MSH3: variants seen among roughly 807,000 people sequenced by gnomAD.
MSH3 encodes DNA mismatch repair protein Msh3.
Under a neutral mutation model 123.3 loss-of-function variants are expected in MSH3, and 106 were observed. The ratio of observed to expected loss-of-function variants is 0.86; its 90% CI spans 0.73 to 1.01. MSH3 has a LOEUF of 1.01. Among genes scored for constraint, MSH3 ranks in the 50% least tolerant of loss-of-function variants. MSH3 has a pLI of 0.00. For missense variants in MSH3, 1,459 were observed against 1,347.6 expected, an observed-to-expected ratio of 1.08 and a Z score of -1.29; for synonymous variants, 515 against 481.4, an observed-to-expected ratio of 1.07 and a Z score of -0.91.
intron 20 of MSH3, among the ~76,000 whole-genome samples, chr5:80,819,238 T>C (rs1745158269): frequency 6.6e-6 from 1 of 151,898 alleles, no homozygotes; most frequent in African/African-American, 2.4e-5. Flanking sequence ...ATAATGTTAT[T>C]AGGAGATGTT....
At chr5:80,801,785 G>GA (rs912096887) in intron 19 of MSH3, among the ~76,000 whole-genome samples, 2 of 152,176 alleles carry the variant, frequency 1.3e-5, no homozygotes, top group African/African-American at 4.8e-5. Context: ...TAGGATGAGA[G>GA]ATCTTATTTA....
chr5:80,702,928 C>T (rs561852979), intron 8 of MSH3, among the ~76,000 whole-genome samples: 16 of 152,312 alleles, frequency 1.1e-4, no homozygotes, highest in Middle Eastern at 3.4e-3. Context: ...AGGAGAATCA[C>T]TTGAACCCGG....
At chr5:80,690,986 A>G (rs916591210) in intron 8 of MSH3, among the ~76,000 whole-genome samples, 2 of 152,010 alleles carry the variant, frequency 1.3e-5, no homozygotes, top group Non-Finnish European at 2.9e-5. Flanking sequence ...TTGTCCATGA[A>G]AATAATTAAA....
At chr5:80,683,731 C>G (rs1479812901) in intron 8 of MSH3, among the ~76,000 whole-genome samples, 1 of 152,018 alleles carries the variant, frequency 6.6e-6, no homozygotes, top group Non-Finnish European at 1.5e-5. Context: ...TCCATCTTTG[C>G]TTTGGTTGCC....
intron 21 of MSH3, among the ~76,000 whole-genome samples, chr5:80,860,218 G>A (rs920634014): frequency 4.0e-5 from 6 of 151,860 alleles, no homozygotes; most frequent in South Asian, 4.1e-4. Context: ...AAAGTTTTTC[G>A]CCTTCACTGG....
intron 8 of MSH3, among the ~76,000 whole-genome samples, chr5:80,716,484 C>G (rs915436407): frequency 6.6e-6 from 1 of 151,724 alleles, no homozygotes; most frequent in Non-Finnish European, 1.5e-5. Flanking sequence ...AGGCTTGTCT[C>G]AAACTCCTGG....
intron 21 of MSH3, among the ~76,000 whole-genome samples, chr5:80,857,495 T>G (rs1335494851): frequency 1.3e-5 from 2 of 152,240 alleles, no homozygotes; most frequent in Admixed American, 6.5e-5. Flanking sequence ...TTGGTGGAGT[T>G]CACCAGTGAA....
At chr5:80,718,104 G>A (rs1751000577) in intron 8 of MSH3, among the ~76,000 whole-genome samples, 1 of 152,214 alleles carries the variant, frequency 6.6e-6, no homozygotes, top group African/African-American at 2.4e-5. Context: ...AGGATATAGA[G>A]TTTTGGCAGT....
At chr5:80,754,044 T>A (rs1743882493) in intron 12 of MSH3, among the ~76,000 whole-genome samples, 1 of 152,172 alleles carries the variant, frequency 6.6e-6, no homozygotes, top group Non-Finnish European at 1.5e-5. Flanking sequence ...TTGCCAGAGA[T>A]GGTTTTTGTT....
At position 80,662,775 on chromosome 5, in the gene MSH3, C is replaced by T. The variant is rs1453500414; in HGVS notation, c.359-2368C>T. On this transcript the variant is annotated intron_variant, in intron 2 of 23. Coordinates refer to ENST00000265081, the MANE Select transcript of MSH3 (RefSeq NM_002439.5). ...CCAGGAGGCAGAGGTTGCAGTGAGCCGAGATCGCGCCATTGCACTCCAGCC... is the reference window on the plus strand; with the variant it reads ...CCAGGAGGCAGAGGTTGCAGTGAGCTGAGATCGCGCCATTGCACTCCAGCC... Among the ~76,000 whole-genome samples the T allele has an allele frequency of 4.0e-5, 6 of 150,986 alleles. No individual in the cohort carries two copies. The East Asian group carries it at 5.9e-4, about 15-fold the overall frequency.
chr5:80,864,341 G>A (rs1221235079), intron 21 of MSH3, among the ~76,000 whole-genome samples: 1 of 152,044 alleles, frequency 6.6e-6, no homozygotes, highest in Non-Finnish European at 1.5e-5. Flanking sequence ...CTCTATTCCT[G>A]TACGAAAGGA....
chr5:80,732,859 C>T (rs538898660), intron 10 of MSH3, among the ~76,000 whole-genome samples: 1 of 152,150 alleles, frequency 6.6e-6, no homozygotes, highest in East Asian at 1.9e-4. Context: ...AAAACTACAA[C>T]TAACGTGGAA....
chr5:80,711,424 T>G (rs975418179), intron 8 of MSH3, among the ~76,000 whole-genome samples: 1 of 152,124 alleles, frequency 6.6e-6, no homozygotes, highest in African/African-American at 2.4e-5. Context: ...AAGGAGGGGT[T>G]TTTTGGGCCT....
intron 8 of MSH3, among the ~76,000 whole-genome samples, chr5:80,712,061 G>A (rs1750870129): frequency 6.6e-6 from 1 of 152,144 alleles, no homozygotes; most frequent in African/African-American, 2.4e-5. Context: ...AGGCATGGCT[G>A]GAATTGGGCA....
intron 13 of MSH3, among the ~76,000 whole-genome samples, chr5:80,763,156 A>C (rs1744071478): frequency 6.6e-6 from 1 of 152,138 alleles, no homozygotes; most frequent in Non-Finnish European, 1.5e-5. Flanking sequence ...CAATATGCCT[A>C]AATTTTAGTT....
chr5:80,766,092 A>G (rs1292164214), intron 13 of MSH3, among the ~76,000 whole-genome samples: 1 of 151,734 alleles, frequency 6.6e-6, no homozygotes, highest in Non-Finnish European at 1.5e-5. Context: ...ATCTTGTTTC[A>G]TGGTTGTAGT....
intron 19 of MSH3, among the ~76,000 whole-genome samples, chr5:80,794,824 A>G (rs1580054731): frequency 6.6e-6 from 1 of 152,166 alleles, no homozygotes; most frequent in Non-Finnish European, 1.5e-5. Flanking sequence ...AAGTTTATAG[A>G]TAGCTTAGAT....
At position 80,778,822 on chromosome 5, in the gene MSH3, G is replaced by A. The variant is rs1744356274; in HGVS notation, c.2421G>A (p.Trp807Ter). 6.3e-7 allele frequency: 1 copy of A among 1,576,984 alleles called. No homozygotes were observed. The highest frequency in any genetic ancestry group is 1.7e-4 in the Middle Eastern group (1 of 6,002). ...EQLVLDCSAE[W>*]LDFLEKFSEH... ...TAGTCCTTGACTGCAGTGCTGAATG[G>A]CTTGATTTTCTAGAGTGAGTTTACA... The change falls in exon 17 of 24, where the codon TGG becomes TGA. Residue 807 changes from tryptophan to a stop codon, truncating the protein, a stop_gained. Transcript: ENST00000265081. LOFTEE classifies it high-confidence loss of function.
chr5:80,698,394 A>G (rs1036322271), intron 8 of MSH3, among the ~76,000 whole-genome samples: 2 of 152,218 alleles, frequency 1.3e-5, no homozygotes, highest in Admixed American at 6.5e-5. Flanking sequence ...CCAAGTTCTT[A>G]TAGTCTAGAG....
Sources: allele counts gnomAD v4.1 joint callset (sites outside exome capture counted in the v4.1 genomes callset), GRCh38; gene constraint gnomAD v4.1.1; transcripts MANE v1.5; gene names NCBI Gene and HGNC (gene_info 2026-07-23, HGNC 2026-07-21).